PSD3: variants seen among roughly 807,000 people sequenced by gnomAD.
The protein encoded by PSD3 is PH and SEC7 domain-containing protein 3.
A neutral mutation model predicts 105.5 loss-of-function variants in PSD3; 49 were observed. The ratio of observed to expected loss-of-function variants is 0.46; its 90% CI spans 0.37 to 0.59. The LOEUF is 0.59. Among genes scored for constraint, PSD3 ranks in the 20% least tolerant of loss-of-function variants. The pLI is 0.00. For missense variants in PSD3, 1,561 were observed against 1,263.8 expected (o/e 1.24, Z -3.57); for synonymous variants, 557 against 457.8 (o/e 1.22, Z -2.77).
chr8:18,873,226 G>T (rs1473059834), intron 2 of PSD3, among the ~76,000 whole-genome samples: 1 of 152,134 alleles, frequency 6.6e-6, no homozygotes, highest in Non-Finnish European at 1.5e-5. Flanking sequence ...CAGTCAATAT[G>T]TTTTTTCTGC....
chr8:18,744,587 TTTC>T (rs1333930690), intron 9 of PSD3, among the ~76,000 whole-genome samples: 2 of 152,244 alleles, frequency 1.3e-5, no homozygotes, highest in Non-Finnish European at 2.9e-5. Context: ...ACCCAGCATC[TTTC>T]TTTTTTCTTC....
At chr8:19,029,754 G>C (rs904512674) in intron 1 of PSD3, among the ~76,000 whole-genome samples, 1 of 152,102 alleles carries the variant, frequency 6.6e-6, no homozygotes, top group Non-Finnish European at 1.5e-5. Context: ...TTATACCCAA[G>C]TATTTTCATG....
intron 9 of PSD3, among the ~76,000 whole-genome samples, chr8:18,728,091 G>A (rs1803466537): frequency 6.6e-6 from 1 of 151,928 alleles, no homozygotes; most frequent in South Asian, 2.1e-4. Context: ...AAGGGAAGTA[G>A]AAGAGAGAGT....
intron 9 of PSD3, among the ~76,000 whole-genome samples, chr8:18,668,027 A>G (rs1563157417): frequency 6.6e-6 from 1 of 152,158 alleles, no homozygotes; most frequent in Non-Finnish European, 1.5e-5. Context: ...CTGGCCCGCA[A>G]GCTCCGCGCG....
chr8:18,789,306 C>T (rs1044714354), intron 8 of PSD3, among the ~76,000 whole-genome samples: 6 of 151,938 alleles, frequency 3.9e-5, no homozygotes, highest in African/African-American at 9.7e-5. Context: ...ACACTGCAAC[C>T]GACTATAAAC....
chr8:18,672,596 A>G (rs1024902605), intron 9 of PSD3, among the ~76,000 whole-genome samples: 1 of 152,238 alleles, frequency 6.6e-6, no homozygotes, highest in Middle Eastern at 3.2e-3. Flanking sequence ...TTTTTCGTTT[A>G]GCTAAATGAG....
intron 9 of PSD3, among the ~76,000 whole-genome samples, chr8:18,759,854 T>C (rs1433358381): frequency 6.6e-6 from 1 of 151,852 alleles, no homozygotes; most frequent in Non-Finnish European, 1.5e-5. Context: ...AAATGGACAA[T>C]TCATCTCTAA....
chr8:19,000,697 C>T (rs1366343268), intron 1 of PSD3: 1 of 151,894 alleles, frequency 6.6e-6, no homozygotes, highest in Non-Finnish European at 1.5e-5. Flanking sequence ...GGAGATGAAG[C>T]CACTGTGAAG....
intron 9 of PSD3, chr8:18,684,108 T>G: frequency 1.8e-6 from 1 of 545,022 alleles, no homozygotes; most frequent in Non-Finnish European, 3.3e-6. Context: ...TCAACTACCC[T>G]GTTTGCAGCG....
chr8:18,591,404 G>T (rs1308442220), intron 12 of PSD3, among the ~76,000 whole-genome samples: 1 of 152,188 alleles, frequency 6.6e-6, no homozygotes, highest in Admixed American at 6.5e-5. Context: ...AAAGTGGTGG[G>T]TGGTTCGCTG....
chr8:18,704,306 C>A (rs1297015216), intron 9 of PSD3, among the ~76,000 whole-genome samples: 1 of 152,180 alleles, frequency 6.6e-6, no homozygotes, highest in Non-Finnish European at 1.5e-5. Context: ...TGAACTTACA[C>A]AATGGGGACC....
intron 1 of PSD3, among the ~76,000 whole-genome samples, chr8:19,023,415 A>ATTTC (rs200925226): frequency 2.1e-5 from 3 of 145,432 alleles, no homozygotes; most frequent in African/African-American, 7.6e-5. Context: ...TTATTTATTT[A>ATTTC]TTTATTTATT....
intron 1 of PSD3, among the ~76,000 whole-genome samples, chr8:19,064,477 C>A (rs1829009224): frequency 6.6e-6 from 1 of 152,050 alleles, no homozygotes; most frequent in South Asian, 2.1e-4. Context: ...ATGAGGGTCA[C>A]TGGGGTAGTC....
At chr8:19,013,758 CG>C (rs1399813593), upstream of PSD3, 5 of 319,562 alleles carry the variant, frequency 1.6e-5, no homozygotes, top group Non-Finnish European at 2.4e-5. Flanking sequence ...TGCGAGCCCG[CG>C]GCAGCCGCCC....
At position 18,657,118 on chromosome 8, in the gene PSD3, C is replaced by A. The variant is rs892964031; in HGVS notation, c.2173-1433G>T. On this transcript the variant is annotated intron_variant, in intron 9 of 15. Transcript: ENST00000327040. ...AGGGGGATCACATGTCATCTAACCT[C>A]TTGTCTTTCAAACAAGAAAAGGCAG... is the stretch of plus-strand genomic sequence containing the variant. Among the ~76,000 whole-genome samples, 3 of 152,318 alleles carry A rather than the reference C, an allele frequency of 2.0e-5. No homozygotes were observed. In the East Asian group the frequency reaches 5.8e-4, roughly 29 times the overall value.
chr8:18,556,492 TC>T, intron 14 of PSD3, 140 bp from the exon 15 acceptor site: 1 of 841,682 alleles, frequency 1.2e-6, no homozygotes, highest in Non-Finnish European at 1.8e-6. Flanking sequence ...GCCACATCCT[TC>T]CAGCTTTCTC....
intron 6 of PSD3, chr8:18,802,404 T>C (rs771323173): frequency 2.2e-5 from 9 of 416,988 alleles, no homozygotes; most frequent in Non-Finnish European, 3.9e-5. Flanking sequence ...GTCTAAGAAA[T>C]CTTACTATGG....
chr8:19,044,408 A>G (rs927444997), intron 1 of PSD3, among the ~76,000 whole-genome samples: 2 of 152,192 alleles, frequency 1.3e-5, no homozygotes, highest in African/African-American at 2.4e-5. Flanking sequence ...ATTCAATTCT[A>G]GGCTCTTCCT....
chr8:18,627,454 T>C (rs1026281637), intron 11 of PSD3, among the ~76,000 whole-genome samples: 1 of 151,892 alleles, frequency 6.6e-6, no homozygotes, highest in South Asian at 2.1e-4. Context: ...AATAAAGTAG[T>C]GGGATGGACA....
Sources: allele counts gnomAD v4.1 joint callset (sites outside exome capture counted in the v4.1 genomes callset), GRCh38; gene constraint gnomAD v4.1.1; transcripts MANE v1.5; gene names NCBI Gene and HGNC (gene_info 2026-07-23, HGNC 2026-07-21).